The following MIA2 variants were observed in gnomAD, a reference collection of about 807,000 sequenced individuals.
MIA2 encodes MIA SH3 domain ER export factor 2.
Under a neutral mutation model 167.8 loss-of-function variants are expected in MIA2, and 127 were observed. That is an observed-to-expected ratio of 0.76 (90% confidence interval 0.66 to 0.88). MIA2 has a LOEUF of 0.88. MIA2 is among the 40% of genes least tolerant of loss of function. The pLI is 0.00. For missense variants in MIA2, 1,690 were observed against 1,624.7 expected, an observed-to-expected ratio of 1.04 and a Z score of -0.69; for synonymous variants, 552 against 541.9, an observed-to-expected ratio of 1.02 and a Z score of -0.26.
At chr14:39,349,603 C>T (rs2074103945) in intron 28 of MIA2, among the ~76,000 whole-genome samples, 1 of 152,066 alleles carries the variant, frequency 6.6e-6, no homozygotes. Context: ...TCTTTCCTTC[C>T]CTTGTTTCTC....
chr14:39,285,571 C>G (rs1412652634), intron 9 of MIA2, among the ~76,000 whole-genome samples: 4 of 102,624 alleles, frequency 3.9e-5, no homozygotes, highest in African/African-American at 1.3e-4. Context: ...CGGGGGCTGA[C>G]CCCCCGACCT....
chr14:39,351,481 T>A (rs1342255243), downstream of MIA2: 2 of 152,184 alleles, frequency 1.3e-5, no homozygotes, highest in African/African-American at 2.4e-5. Context: ...TAATTACATT[T>A]AGTGCTTACC....
At chr14:39,344,246 A>C (rs1005178220) in intron 25 of MIA2, among the ~76,000 whole-genome samples, 2 of 152,172 alleles carry the variant, frequency 1.3e-5, no homozygotes, top group African/African-American at 4.8e-5. Context: ...TTAGAAGCAA[A>C]ATAATGATGT....
In MIA2 at chr14:39,247,124, C is replaced by T. The variant is rs2054352159; in HGVS notation, c.550C>T (p.Pro184Ser). The change falls in exon 4 of 29, where the codon CCT (proline) becomes TCT (serine). Residue 184 changes from proline (P) to serine (S), a missense_variant. By Grantham distance (74) the Pro-to-Ser change is moderately conservative. Transcript: ENST00000640607. The stretch of plus-strand genomic sequence containing the variant: ...AGACCAAGTTCCAGCATTAGAGGCT[C>T]CTGAAGATATCGGAAGTACCAGTGA... The part of the protein sequence containing the change: ...FEDQVPALEA[P>S]EDIGSTSESK... 1 of 1,613,710 alleles carries T rather than the reference C, an allele frequency of 6.2e-7. No homozygotes were observed.
chr14:39,267,644 C>T (rs1427842488), intron 6 of MIA2: 3 of 1,156,378 alleles, frequency 2.6e-6, no homozygotes, highest in African/African-American at 3.1e-5. Flanking sequence ...AGCCAGTCCT[C>T]GTCTGCTGCC....
intron 23 of MIA2, among the ~76,000 whole-genome samples, chr14:39,384,856 A>C (rs572578674): frequency 1.4e-4 from 22 of 152,264 alleles, no homozygotes; most frequent in African/African-American, 4.8e-4. Flanking sequence ...CTTAATTTTA[A>C]AGTTGGGAAA....
At chr14:39,253,240 A>G (rs1333002419) in intron 6 of MIA2, 69 bp downstream of exon 6, 4 of 1,568,742 alleles carry the variant, frequency 2.5e-6, no homozygotes, top group Non-Finnish European at 3.5e-6. Flanking sequence ...TGGCTACAAA[A>G]TATGTTTGAA....
intron 6 of MIA2, among the ~76,000 whole-genome samples, chr14:39,273,598 C>T (rs780600230): frequency 4.2e-5 from 6 of 144,150 alleles, no homozygotes; most frequent in Non-Finnish European, 9.2e-5. Context: ...GATGATCATG[C>T]GTTTTTTTTT....
chr14:39,298,530 G>GTTT (rs764475842), intron 13 of MIA2, among the ~76,000 whole-genome samples: 3 of 26,180 alleles, frequency 1.1e-4, no homozygotes, highest in African/African-American at 4.7e-4. Context: ...GTAGAACAGA[G>GTTT]TTTTTTTTTT....
chr14:39,368,061 G>T (rs2074859793), intron 23 of MIA2, among the ~76,000 whole-genome samples: 2 of 151,900 alleles, frequency 1.3e-5, no homozygotes, highest in Admixed American at 1.3e-4. Flanking sequence ...TTGGTGTTCT[G>T]ACAATCACAA....
intron 3 of MIA2, among the ~76,000 whole-genome samples, chr14:39,241,106 T>C (rs1159590298): frequency 6.6e-6 from 1 of 152,218 alleles, no homozygotes; most frequent in Non-Finnish European, 1.5e-5. Context: ...ACTAATGCTA[T>C]TGTCTTACTA....
chr14:39,358,057 C>A (rs1397253253), intron 23 of MIA2, among the ~76,000 whole-genome samples: 1 of 152,106 alleles, frequency 6.6e-6, no homozygotes, highest in African/African-American at 2.4e-5. Context: ...CAAGGAGTAT[C>A]TTTGTGGTGG....
chr14:39,353,447 TATC>T (rs1349570880), downstream of MIA2, among the ~76,000 whole-genome samples: 1 of 152,244 alleles, frequency 6.6e-6, no homozygotes, highest in Non-Finnish European at 1.5e-5. Flanking sequence ...ATGTGGTATT[TATC>T]ATTCTGTGCC....
intron 25 of MIA2, among the ~76,000 whole-genome samples, chr14:39,336,271 T>C (rs1167373694): frequency 5.3e-5 from 8 of 152,204 alleles, no homozygotes; most frequent in African/African-American, 1.9e-4. Flanking sequence ...ATCTGTTATT[T>C]TGACTTTTTA....
intron 6 of MIA2, among the ~76,000 whole-genome samples, chr14:39,260,069 T>C (rs1437370882): frequency 1.3e-5 from 2 of 152,196 alleles, no homozygotes; most frequent in African/African-American, 4.8e-5. Flanking sequence ...TAGTATTCCA[T>C]AGTGTATATG....
At chr14:39,271,095 G>C (rs529905775) in intron 6 of MIA2, among the ~76,000 whole-genome samples, 1 of 152,076 alleles carries the variant, frequency 6.6e-6, no homozygotes, top group Non-Finnish European at 1.5e-5. Context: ...TAGCTCTTAC[G>C]GGAAGTTCTT....
intron 6 of MIA2, among the ~76,000 whole-genome samples, chr14:39,264,004 T>G (rs1055584596): frequency 3.3e-5 from 5 of 152,114 alleles, no homozygotes; most frequent in African/African-American, 1.2e-4. Flanking sequence ...GTTACAAGGG[T>G]TGATTTCGTG....
intron 2 of MIA2, 31 bp from the exon 3 acceptor site, chr14:39,240,530 C>T (rs1400878151): frequency 6.5e-7 from 1 of 1,529,160 alleles, no homozygotes; most frequent in Middle Eastern, 1.7e-4. Flanking sequence ...GATCATTCTT[C>T]CTCGATAATC....
chr14:39,381,994 C>T (rs2075174587), intron 23 of MIA2, among the ~76,000 whole-genome samples: 1 of 152,148 alleles, frequency 6.6e-6, no homozygotes, highest in South Asian at 2.1e-4. Context: ...AACCCTAGTT[C>T]AGCTAACTAG....
Sources: gnomAD v4.1 joint callset for allele counts (sites outside exome capture counted in the v4.1 genomes callset) on GRCh38, gnomAD v4.1.1 for gene constraint, MANE v1.5 for transcripts, NCBI Gene and HGNC (gene_info 2026-07-23, HGNC 2026-07-21) for gene names.